The following MEAK7 variants were observed in gnomAD, a reference collection of about 807,000 sequenced individuals.
MEAK7 encodes MTOR-associated protein MEAK7.
MEAK7 carries 68 observed loss-of-function variants against 40.5 expected under a neutral mutation model. That is an observed-to-expected ratio of 1.68 (90% confidence interval 1.38 to 2.06). The LOEUF is 2.06. Ranked by LOEUF, MEAK7 falls within the 30% of genes most tolerant of loss-of-function variation. MEAK7 has a pLI of 0.00. For missense variants in MEAK7, 918 were observed against 580.5 expected, an observed-to-expected ratio of 1.58 and a Z score of -5.98; for synonymous variants, 338 against 231.9, an observed-to-expected ratio of 1.46 and a Z score of -4.16.
In MEAK7 at chr16:84,498,200, T is replaced by C. The variant is rs376130979; in HGVS notation, c.-25-89A>G. ...TGAGAATTATATGGTCAAGTTAATA[T>C]ATACTGATATAGCCACAAAATGTAG... On this transcript the variant is annotated intron_variant, in intron 1 of 7. Transcript: ENST00000343629. 7 of 1,413,944 alleles carry C rather than the reference T, an allele frequency of 5.0e-6. No homozygotes were observed. In the Admixed American group the frequency reaches 9.4e-5, roughly 19 times the overall value. The allele number at this position is 1,413,944 out of a possible 1,614,324, so 87.6% of individuals were successfully genotyped here.
chr16:84,487,200 G>A, intron 4 of MEAK7, 141 bp from the exon 5 acceptor site: 2 of 732,502 alleles, frequency 2.7e-6, no homozygotes, highest in African/African-American at 1.8e-5. Context: ...TGAATTGAGA[G>A]GTGCCGTCAG....
intron 2 of MEAK7, chr16:84,497,412 C>A: frequency 7.8e-7 from 1 of 1,284,268 alleles, no homozygotes; most frequent in South Asian, 1.2e-5. Context: ...AGCCATCAAA[C>A]ACATACACAT....
chr16:84,482,294 C>G (rs1031789102), intron 6 of MEAK7, among the ~76,000 whole-genome samples: 2 of 152,232 alleles, frequency 1.3e-5, no homozygotes, highest in Non-Finnish European at 2.9e-5. Context: ...GACACCATCC[C>G]TAGCCACAAA....
In MEAK7 at chr16:84,485,639, T is replaced by TATCCATCC. The variant is rs550866331; in HGVS notation, c.958+984_958+991dup. Among the ~76,000 whole-genome samples the TATCCATCC allele has an allele frequency of 2.7e-4, 40 of 149,504 alleles. No homozygotes were observed. In the South Asian group the frequency reaches 6.9e-3, roughly 26 times the overall value. On this transcript the variant is annotated intron_variant, in intron 5 of 7. Transcript: ENST00000343629. Reference sequence around the variant, plus strand: ...GTAAACATTTCAAAAACTATCTATCTATCCATCCATCCATCCATCCATCCA... The same window carrying TATCCATCC: ...GTAAACATTTCAAAAACTATCTATCTATCCATCCATCCATCCATCCATCCATCCATCCA...
intron 3 of MEAK7, among the ~76,000 whole-genome samples, chr16:84,491,126 T>A (rs1913560289): frequency 6.6e-6 from 1 of 152,162 alleles, no homozygotes; most frequent in Non-Finnish European, 1.5e-5. Context: ...GGGAGACAAT[T>A]CAAATTATTT....
In MEAK7 at chr16:84,497,374, A is replaced by G. The variant is rs911000612; in HGVS notation, c.153+560T>C. The G allele has an allele frequency of 2.4e-6, 3 of 1,235,518 alleles. No individual in the cohort carries two copies. In the African/African-American group the frequency reaches 4.7e-5, roughly 19 times the overall value. The allele number at this position is 1,235,518 out of a possible 1,614,324, so 76.5% of individuals were successfully genotyped here. A position where few individuals can be genotyped will look rare whatever the true frequency, so the allele number is the denominator to read the frequency against. On this transcript the variant is annotated intron_variant, in intron 2 of 7. Coordinates refer to ENST00000343629, the MANE Select transcript of MEAK7 (RefSeq NM_020947.4). ...TGAGCCTTGAATCTAAAATGTGATTATTTTGTTAGGAATATCATGAAATTC... is the reference window on the plus strand; with the variant it reads ...TGAGCCTTGAATCTAAAATGTGATTGTTTTGTTAGGAATATCATGAAATTC...
chr16:84,496,092 T>C (rs893187494), intron 2 of MEAK7, among the ~76,000 whole-genome samples, 179 bp from the exon 3 acceptor site: 2 of 152,204 alleles, frequency 1.3e-5, no homozygotes, highest in Non-Finnish European at 2.9e-5. Context: ...GCCGGAAACT[T>C]TGATATGCAA....
intron 1 of MEAK7, among the ~76,000 whole-genome samples, chr16:84,498,424 A>G (rs1457401884): frequency 2.0e-5 from 3 of 148,722 alleles, no homozygotes; most frequent in Admixed American, 2.0e-4. Flanking sequence ...CCACACCAGG[A>G]TGCCTGGCTA....
intron 5 of MEAK7, among the ~76,000 whole-genome samples, chr16:84,483,931 T>C (rs1437379389): frequency 3.9e-5 from 6 of 152,198 alleles, no homozygotes; most frequent in Non-Finnish European, 7.4e-5. Context: ...TGAAGGGCTT[T>C]ACTCTGGGCT....
intron 1 of MEAK7, among the ~76,000 whole-genome samples, chr16:84,499,377 T>C (rs1914314202): frequency 6.6e-6 from 1 of 152,108 alleles, no homozygotes; most frequent in Non-Finnish European, 1.5e-5. Context: ...ACAAAGTCAC[T>C]GCAGCAGTAA....
chr16:84,482,713 GA>G lies in MEAK7; in HGVS notation c.959-4del. 6.2e-7 allele frequency: 1 copy of G among 1,614,028 alleles called. No homozygotes were observed. The highest frequency in any genetic ancestry group is 8.5e-7 in the Non-Finnish European group (1 of 1,179,948). ...GAACAGGAAGCATCTGTTGTCCCCT[GA>G]AAGTAGCCAGAGAACAAAACAAACA... On this transcript the variant is annotated splice_region_variant and splice_polypyrimidine_tract_variant and intron_variant, in intron 5 of 7. Coordinates refer to ENST00000343629, the MANE Select transcript of MEAK7 (RefSeq NM_020947.4).
chr16:84,484,864 C>G (rs763426317), intron 5 of MEAK7, among the ~76,000 whole-genome samples: 12 of 152,168 alleles, frequency 7.9e-5, no homozygotes, highest in Non-Finnish European at 1.5e-4. Context: ...ACAGAATGAA[C>G]TCGGGTTTGA....
At chr16:84,503,493 T>C (rs796306510) in intron 1 of MEAK7, among the ~76,000 whole-genome samples, 8 of 152,306 alleles carry the variant, frequency 5.3e-5, no homozygotes, top group African/African-American at 1.9e-4. Flanking sequence ...TCTCCTTTAC[T>C]ACAAAATCCC....
At chr16:84,491,435 A>ATTCC in intron 3 of MEAK7, among the ~76,000 whole-genome samples, 1 of 150,432 alleles carries the variant, frequency 6.6e-6, no homozygotes, top group South Asian at 2.2e-4. Context: ...CCTACTTGGG[A>ATTCC]TGCTGAGGCA....
intron 1 of MEAK7, among the ~76,000 whole-genome samples, chr16:84,498,616 C>T (rs887613656): frequency 1.3e-5 from 2 of 151,916 alleles, no homozygotes; most frequent in African/African-American, 4.8e-5. Context: ...CTGATACAAA[C>T]AAAGCTGGAA....
chr16:84,484,753 C>T (rs1189663772), intron 5 of MEAK7, among the ~76,000 whole-genome samples: 1 of 152,152 alleles, frequency 6.6e-6, no homozygotes, highest in African/African-American at 2.4e-5. Context: ...GACAAGCGGA[C>T]AGCACGCTCT....
chr16:84,492,833 T>G (rs1465300222), intron 3 of MEAK7, among the ~76,000 whole-genome samples: 1 of 152,152 alleles, frequency 6.6e-6, no homozygotes, highest in Non-Finnish European at 1.5e-5. Flanking sequence ...CCACCCACCT[T>G]GGCCTCCCAA....
chr16:84,486,480 A>G, intron 5 of MEAK7, 151 bp downstream of exon 5: 1 of 1,432,414 alleles, frequency 7.0e-7, no homozygotes, highest in Non-Finnish European at 9.1e-7. Flanking sequence ...ACCATAGAGC[A>G]GCATCACATT....
Position 84,480,672 on chromosome 16 carries a change from C to T in MEAK7, c.1114G>A (p.Val372Met), listed in dbSNP as rs1336922648. The change falls in exon 7 of 8, where the codon GTG (valine) becomes ATG (methionine). Residue 372 changes from valine to methionine, a missense_variant. Coordinates refer to ENST00000343629, the MANE Select transcript of MEAK7 (RefSeq NM_020947.4). The part of the protein sequence containing the change: ...GGQHNYFGLW[V>M]DVDFGKGHSR... The stretch of plus-strand genomic sequence containing the variant: ...TGTCCTTTCCCAAAATCAACATCCA[C>T]CCAAAGCCCAAAGTAATTGTGCTGC... 1.8e-5 allele frequency: 29 copies of T among 1,613,698 alleles called. No individual in the cohort carries two copies. The highest frequency in any genetic ancestry group is 2.7e-5 in the African/African-American group (2 of 74,882).
Sources: allele counts gnomAD v4.1 joint callset (sites outside exome capture counted in the v4.1 genomes callset), GRCh38; gene constraint gnomAD v4.1.1; transcripts MANE v1.5; gene names NCBI Gene and HGNC (gene_info 2026-07-23, HGNC 2026-07-21).